PREX1: variants seen among roughly 807,000 people sequenced by gnomAD.
The protein encoded by PREX1 is phosphatidylinositol 3,4,5-trisphosphate-dependent Rac exchanger 1 protein.
In PREX1, 41 loss-of-function variants were observed where a neutral mutation model predicts 198.3. The observed-to-expected ratio is 0.21, with a 90% confidence interval of 0.16 to 0.27. The LOEUF is 0.27. Ranked by LOEUF, PREX1 falls within the 10% of genes least tolerant of loss-of-function variation. The probability of loss-of-function intolerance (pLI) is 1.00; values close to 1 mark genes in which losing one functional copy is unlikely to be tolerated. For synonymous variants in PREX1, 843 were observed against 887.2 expected, an observed-to-expected ratio of 0.95 and a Z score of 0.89; for missense variants, 1,620 against 2,200.7, an observed-to-expected ratio of 0.74 and a Z score of 5.28.
intron 32 of PREX1, among the ~76,000 whole-genome samples, chr20:48,636,219 C>CTG (rs758522842): frequency 2.6e-5 from 4 of 152,232 alleles, no homozygotes; most frequent in Admixed American, 6.5e-5. Context: ...ATTCTGTTAT[C>CTG]TGTGTGTGTG....
At chr20:48,880,266 T>A in the PREX1 span, among the ~76,000 whole-genome samples, 1 of 152,128 alleles carries the variant, frequency 6.6e-6, no homozygotes, top group Non-Finnish European at 1.5e-5. Context: ...CATGAGGTGG[T>A]CAAGGAGAAG....
At chr20:48,699,401 C>A (rs1233964757) in intron 7 of PREX1, among the ~76,000 whole-genome samples, 1 of 152,152 alleles carries the variant, frequency 6.6e-6, no homozygotes, top group East Asian at 1.9e-4. Flanking sequence ...CCTATACCTG[C>A]TGAACATGAA....
intron 14 of PREX1, among the ~76,000 whole-genome samples, chr20:48,667,340 T>C (rs568964131): frequency 6.6e-5 from 10 of 152,282 alleles, no homozygotes; most frequent in East Asian, 1.9e-4. Flanking sequence ...TCAAGTTCAA[T>C]TGCTAACTGA....
intron 17 of PREX1, 123 bp downstream of exon 17, chr20:48,658,011 TGA>T: frequency 1.1e-6 from 1 of 937,612 alleles, no homozygotes; most frequent in Admixed American, 2.3e-5. Flanking sequence ...ACGTGAGCAA[TGA>T]GAGAAGAGGA....
At chr20:48,859,374 C>T in the PREX1 span, among the ~76,000 whole-genome samples, 1 of 152,102 alleles carries the variant, frequency 6.6e-6, no homozygotes, top group Non-Finnish European at 1.5e-5. Context: ...ACCCAGTCAC[C>T]CACCCCATAA....
chr20:48,847,202 C>T, the PREX1 span, among the ~76,000 whole-genome samples: 4 of 151,706 alleles, frequency 2.6e-5, no homozygotes, highest in Admixed American at 1.3e-4. Context: ...AGGAAAGCAC[C>T]CTGTCCTTCT....
the PREX1 span, among the ~76,000 whole-genome samples, chr20:48,847,773 C>G: frequency 9.7e-4 from 148 of 152,340 alleles, no homozygotes; most frequent in African/African-American, 3.3e-3. Context: ...CCCCTCACCC[C>G]AGAAATTTCC....
In PREX1 at chr20:48,825,656, G is replaced by A. The variant is rs143023641; in HGVS notation, c.219+1986C>T. Among the ~76,000 whole-genome samples, 397 of 152,086 alleles carry A rather than the reference G, an allele frequency of 2.6e-3. 4 individuals are homozygous for A. Among genetic ancestry groups the A allele is most frequent in the African/African-American group, 9.1e-3 (376 of 41,468 alleles). The stretch of plus-strand genomic sequence containing the variant: ...GAAACACACCATCTAGGGCAGGGGC[G>A]TGGGAGGGAGAGGTATATTTTCTTT... On this transcript the variant is annotated intron_variant, in intron 1 of 39. Coordinates refer to ENST00000371941, the MANE Select transcript of PREX1 (RefSeq NM_020820.4).
intron 7 of PREX1, among the ~76,000 whole-genome samples, chr20:48,694,891 T>C (rs1192188666): frequency 6.6e-6 from 1 of 152,080 alleles, no homozygotes; most frequent in African/African-American, 2.4e-5. Context: ...GAGAAGGGAC[T>C]AGAACCAGAG....
In PREX1 at chr20:48,688,713, G is replaced by A. The variant is rs1230105428; in HGVS notation, c.1278C>T (p.Asn426=). The A allele has an allele frequency of 1.9e-6, 3 of 1,614,000 alleles. No homozygotes were observed. The African/African-American group carries it at 4.0e-5, about 22-fold the overall frequency. ...LYHMMMNKKV[N]LIKDRRRKLS... The stretch of plus-strand genomic sequence containing the variant: ...GCTTTCTCCGGCGGTCCTTGATGAG[G>A]TTCACCTTCTTGTTCATCATCATGT... Residue 426 remains asparagine, a synonymous_variant, in exon 10 of 40, where the codon AAC becomes AAT. Coordinates refer to ENST00000371941, the MANE Select transcript of PREX1 (RefSeq NM_020820.4).
Position 48,625,680 on chromosome 20 carries a change from C to T in PREX1, c.*205G>A, listed in dbSNP as rs1412165757. ...TCTGGCAGGCGTGTGAAGAATGGGC[C>T]GGCCCAGGGCCAATCAGCCAGCTCG... On this transcript the variant is annotated 3_prime_UTR_variant, in exon 40 of 40. Coordinates refer to ENST00000371941, the MANE Select transcript of PREX1 (RefSeq NM_020820.4). 5.0e-6 allele frequency: 3 copies of T among 598,402 alleles called. No individual in the cohort carries two copies. The highest frequency in any genetic ancestry group is 8.4e-6 in the Non-Finnish European group (3 of 359,054). The allele number at this position is 598,402 out of a possible 1,614,324, so 37.1% of individuals were successfully genotyped here.
the PREX1 span, among the ~76,000 whole-genome samples, chr20:48,840,228 T>C: frequency 6.6e-6 from 1 of 151,874 alleles, no homozygotes; most frequent in African/African-American, 2.4e-5. Context: ...TTCCCTATGC[T>C]GGTCTCAATT....
chr20:48,846,433 G>A, the PREX1 span, among the ~76,000 whole-genome samples: 3 of 152,162 alleles, frequency 2.0e-5, no homozygotes, highest in East Asian at 5.8e-4. Flanking sequence ...TATATTAATA[G>A]ATGGGGATGT....
At chr20:48,775,639 G>A (rs1039459556) in intron 1 of PREX1, among the ~76,000 whole-genome samples, 6 of 152,106 alleles carry the variant, frequency 3.9e-5, no homozygotes, top group Non-Finnish European at 5.9e-5. Context: ...TGCAATGGGA[G>A]GTAATTAAAT....
At chr20:48,755,256 C>T (rs1373679713) in intron 1 of PREX1, among the ~76,000 whole-genome samples, 1 of 152,126 alleles carries the variant, frequency 6.6e-6, no homozygotes, top group African/African-American at 2.4e-5. Context: ...ATTCTCTCTC[C>T]CTAGGCATAG....
intron 5 of PREX1, among the ~76,000 whole-genome samples, chr20:48,713,747 TA>T (rs1197247748): frequency 1.0e-3 from 104 of 100,180 alleles, no homozygotes; most frequent in Admixed American, 8.7e-4. Context: ...TTATCTCTTT[TA>T]AAAAAAAAAA....
At chr20:48,810,307 G>A (rs1469260087) in intron 1 of PREX1, among the ~76,000 whole-genome samples, 1 of 151,928 alleles carries the variant, frequency 6.6e-6, no homozygotes, top group Non-Finnish European at 1.5e-5. Flanking sequence ...ACCAGGCCTA[G>A]TACAGTGGCT....
chr20:48,645,316 C>T (rs977943818), intron 26 of PREX1, among the ~76,000 whole-genome samples: 2 of 152,194 alleles, frequency 1.3e-5, no homozygotes, highest in Non-Finnish European at 2.9e-5. Flanking sequence ...GGTTTATCTG[C>T]AGTAAGGAAT....
rs527348177 is a variant in PREX1 at position 48,745,906 on chromosome 20, G to A, written c.292-759C>T. 2.0e-5 allele frequency among the ~76,000 whole-genome samples: 3 copies of A among 152,324 alleles called. No homozygotes were observed. The South Asian group carries it at 6.2e-4, about 32-fold the overall frequency. ...GGGTGTTTCGTAGACAGAGGCCAGG[G>A]ATGCTGTTAACCCTTCCTGCAATGT... On this transcript the variant is annotated intron_variant, in intron 2 of 39. Coordinates refer to ENST00000371941, the MANE Select transcript of PREX1 (RefSeq NM_020820.4).
Sources: gnomAD v4.1 joint callset for allele counts (sites outside exome capture counted in the v4.1 genomes callset) on GRCh38, gnomAD v4.1.1 for gene constraint, MANE v1.5 for transcripts, NCBI Gene and HGNC (gene_info 2026-07-23, HGNC 2026-07-21) for gene names.